The following DAB2IP variants were observed in gnomAD, a reference collection of about 807,000 sequenced individuals.
The protein encoded by DAB2IP is disabled homolog 2-interacting protein.
In DAB2IP, 28 loss-of-function variants were observed where a neutral mutation model predicts 107.2. The ratio of observed to expected loss-of-function variants is 0.26; its 90% CI spans 0.19 to 0.36. DAB2IP has a LOEUF of 0.36. Ranked by LOEUF, DAB2IP falls within the 10% of genes least tolerant of loss-of-function variation. The pLI is 1.00. For missense variants in DAB2IP, 1,400 were observed against 1,644.7 expected, an observed-to-expected ratio of 0.85 and a Z score of 2.57; for synonymous variants, 755 against 706.4, an observed-to-expected ratio of 1.07 and a Z score of -1.09.
intron 1 of DAB2IP, among the ~76,000 whole-genome samples, chr9:121,582,575 T>C (rs1459118115): frequency 6.6e-6 from 1 of 151,706 alleles, no homozygotes; most frequent in Non-Finnish European, 1.5e-5. Context: ...TTCCCAGCTC[T>C]GGAACAGGCT....
rs1831977005 is a variant in DAB2IP at position 121,633,670 on chromosome 9, C to T, written c.41-45008C>T. Among the ~76,000 whole-genome samples the T allele has an allele frequency of 6.6e-6, 1 of 152,192 alleles. No homozygotes were observed. The highest frequency in any genetic ancestry group is 2.4e-5 in the African/African-American group (1 of 41,446). On this transcript the variant is annotated intron_variant, in intron 1 of 16. Transcript: ENST00000259371. This position sits in a 1 kb window ranked among gnomAD's most constrained non-coding sequence, Gnocchi z 5.1. ...ACCATTGCCCAGAGACAGCAGTGACCAGGACAGACATTGCCCCAGGGTTTG... is the reference window on the plus strand; with the variant it reads ...ACCATTGCCCAGAGACAGCAGTGACTAGGACAGACATTGCCCCAGGGTTTG...
chr9:121,708,556 G>A (rs541725980), intron 3 of DAB2IP, among the ~76,000 whole-genome samples: 1 of 152,308 alleles, frequency 6.6e-6, no homozygotes, highest in East Asian at 1.9e-4. Context: ...GACGCTCAGA[G>A]AGGTGAAGGG....
At chr9:121,646,014 C>T (rs898333061) in intron 1 of DAB2IP, among the ~76,000 whole-genome samples, 2 of 152,124 alleles carry the variant, frequency 1.3e-5, no homozygotes, top group South Asian at 2.1e-4. Context: ...CGGCCTGTCC[C>T]GAGGGCTCTG....
chr9:121,733,798 G>A (rs529343797), intron 3 of DAB2IP, among the ~76,000 whole-genome samples: 2 of 152,356 alleles, frequency 1.3e-5, no homozygotes, highest in South Asian at 4.1e-4. Flanking sequence ...GAGCCTCGTG[G>A]AAGCAAGTGT....
intron 1 of DAB2IP, among the ~76,000 whole-genome samples, chr9:121,623,396 T>G (rs1239315247): frequency 6.6e-6 from 1 of 152,218 alleles, no homozygotes; most frequent in Non-Finnish European, 1.5e-5. Flanking sequence ...GAATAGGGTC[T>G]TGCCCTTTTG....
chr9:121,783,735 A>C (rs1835820078), exon 16 of DAB2IP: 2 of 779,164 alleles, frequency 2.6e-6, no homozygotes, highest in Non-Finnish European at 4.3e-6. Flanking sequence ...CCAAGGACCC[A>C]GGCGCTGCAT....
At chr9:121,747,626 C>T (rs574301065) in intron 3 of DAB2IP, among the ~76,000 whole-genome samples, 5 of 152,228 alleles carry the variant, frequency 3.3e-5, no homozygotes, top group African/African-American at 7.2e-5. Context: ...GGATTACAGG[C>T]GTGAGCCACC....
rs566001110 is a variant in DAB2IP, at chr9:121,716,676, T to C, written c.362+17218T>C. 5.6e-4 allele frequency among the ~76,000 whole-genome samples: 85 copies of C among 152,268 alleles called. 1 individual carries two copies. Among genetic ancestry groups the C allele is most frequent in the Middle Eastern group, 3.4e-3 (1 of 294 alleles). On this transcript the variant is annotated intron_variant, in intron 3 of 15. Transcript: ENST00000408936. Reference sequence around the variant, plus strand: ...GGCATCCTGGGGTTGGTACCCAGTGTTCTGCTTTCTGCTCTTGCTCCTGCC... The same window carrying C: ...GGCATCCTGGGGTTGGTACCCAGTGCTCTGCTTTCTGCTCTTGCTCCTGCC...
intron 1 of DAB2IP, among the ~76,000 whole-genome samples, chr9:121,572,437 A>C (rs901869641): frequency 6.6e-6 from 1 of 151,778 alleles, no homozygotes; most frequent in Non-Finnish European, 1.5e-5. Context: ...AGTGAGCGAG[A>C]GTGAGTGAAT....
At chr9:121,723,278 T>G (rs559492342) in intron 3 of DAB2IP, among the ~76,000 whole-genome samples, 1 of 152,358 alleles carries the variant, frequency 6.6e-6, no homozygotes, top group South Asian at 2.1e-4. Flanking sequence ...GGCTGAGGAC[T>G]TCGAGAGCAC....
chr9:121,583,016 C>G (rs7873694), intron 1 of DAB2IP, among the ~76,000 whole-genome samples: 1 of 152,184 alleles, frequency 6.6e-6, no homozygotes, highest in South Asian at 2.1e-4. Flanking sequence ...CAGTAACCAG[C>G]GAGCATTTGT....
intron 1 of DAB2IP, among the ~76,000 whole-genome samples, chr9:121,597,919 G>A (rs1368189136): frequency 1.3e-5 from 2 of 152,206 alleles, no homozygotes; most frequent in South Asian, 2.1e-4. Context: ...TGATGACCGT[G>A]CCAGCTTCTG....
chr9:121,707,238 G>A (rs1289103928), intron 3 of DAB2IP, among the ~76,000 whole-genome samples: 1 of 151,482 alleles, frequency 6.6e-6, no homozygotes, highest in Non-Finnish European at 1.5e-5. Flanking sequence ...AATTTTTTAA[G>A]AGGGATGGAC....
chr9:121,757,704 A>G (rs1339514255), intron 4 of DAB2IP, among the ~76,000 whole-genome samples: 1 of 151,740 alleles, frequency 6.6e-6, no homozygotes, highest in Non-Finnish European at 1.5e-5. Flanking sequence ...AGAAGGCACA[A>G]AGACATCAGA....
At chr9:121,615,631 CTT>C (rs10710830) in intron 1 of DAB2IP, among the ~76,000 whole-genome samples, 5,447 of 139,182 alleles carry the variant, frequency 0.039, 294 homozygotes, top group African/African-American at 0.12. Context: ...AACTTTCTTT[CTT>C]TTTTTTTTTT....
intron 1 of DAB2IP, among the ~76,000 whole-genome samples, chr9:121,613,197 A>G (rs1048805467): frequency 2.0e-5 from 3 of 152,190 alleles, no homozygotes; most frequent in Admixed American, 2.0e-4. Flanking sequence ...TAATGTGTGT[A>G]AAGTGCTTAG....
chr9:121,776,454 AGGAGGC>A lies in DAB2IP; in HGVS notation c.3314+64_3314+69del. 6.9e-7 allele frequency: 1 copy of A among 1,446,392 alleles called. No homozygotes were observed. Among genetic ancestry groups the A allele is most frequent in the South Asian group, 1.5e-5 (1 of 68,452 alleles). The allele number at this position is 1,446,392 out of a possible 1,614,324, so 89.6% of individuals were successfully genotyped here. A position where few individuals can be genotyped will look rare whatever the true frequency, so the allele number is the denominator to read the frequency against. ...GGCAGGGCAGCCATCGCTGCCTTCG[AGGAGGC>A]CCCTGGTCGGGGAGCCTCCTCAAAG... On this transcript the variant is annotated intron_variant, in intron 14 of 15. Coordinates refer to ENST00000408936, the Ensembl canonical transcript of DAB2IP. This position sits in a 1 kb window ranked among gnomAD's most constrained non-coding sequence, Gnocchi z 5.4.
intron 1 of DAB2IP, among the ~76,000 whole-genome samples, chr9:121,632,348 G>A (rs1193912915): frequency 2.6e-5 from 4 of 152,160 alleles, no homozygotes; most frequent in Admixed American, 6.5e-5. Context: ...GTTTATTACC[G>A]GTGATAAAAC....
At chr9:121,716,255 G>A (rs1315535711) in intron 3 of DAB2IP, among the ~76,000 whole-genome samples, 1 of 152,230 alleles carries the variant, frequency 6.6e-6, no homozygotes. Context: ...AACACTGCCT[G>A]CTGCCAGCTC....
Sources: gnomAD v4.1 joint callset for allele counts (sites outside exome capture counted in the v4.1 genomes callset) on GRCh38, gnomAD v4.1.1 for gene constraint, Gnocchi (gnomAD v3.1) non-coding constraint, MANE v1.5 for transcripts, NCBI Gene and HGNC (gene_info 2026-07-23, HGNC 2026-07-21) for gene names.